HERC4: variants seen among roughly 807,000 people sequenced by gnomAD.
The protein encoded by HERC4 is probable E3 ubiquitin-protein ligase HERC4.
In HERC4, 28 loss-of-function variants were observed where a neutral mutation model predicts 124.3. The observed-to-expected ratio is 0.23, with a 90% CI of 0.17 to 0.31. The LOEUF is 0.31. Ranked by LOEUF, HERC4 falls within the 10% of genes least tolerant of loss-of-function variation. HERC4 has a pLI of 1.00. For missense variants in HERC4, 713 were observed against 1,229.3 expected (o/e 0.58, Z 6.28); for synonymous variants, 407 against 421.5 (o/e 0.97, Z 0.42).
At chr10:67,966,337 G>A (rs892365669) in intron 16 of HERC4, 1 of 226,146 alleles carries the variant, frequency 4.4e-6, no homozygotes, top group African/African-American at 2.4e-5. Flanking sequence ...AGGAGTTCCA[G>A]TATGAAGAAT....
At chr10:67,934,873 AATCTTGAAAAG>A (rs563815972) in intron 22 of HERC4, among the ~76,000 whole-genome samples, 142 of 148,682 alleles carry the variant, frequency 9.6e-4, no homozygotes, top group African/African-American at 3.2e-3. Context: ...TCGTGCTTTC[AATCTTGAAAAG>A]ATGTCATTCG....
At chr10:68,005,989 A>G (rs1023959622) in intron 9 of HERC4, among the ~76,000 whole-genome samples, 5 of 152,176 alleles carry the variant, frequency 3.3e-5, no homozygotes, top group African/African-American at 9.6e-5. Context: ...CAGGCTTGCA[A>G]ACAACATCTT....
intron 4 of HERC4, 124 bp from the exon 5 acceptor site, chr10:68,038,293 C>A: frequency 2.3e-6 from 1 of 432,214 alleles, no homozygotes. Context: ...TTTTTTCATA[C>A]AAGCTCAATT....
At chr10:67,942,675 C>A (rs1033659711) in intron 19 of HERC4, among the ~76,000 whole-genome samples, 1 of 152,048 alleles carries the variant, frequency 6.6e-6, no homozygotes, top group Admixed American at 6.6e-5. Flanking sequence ...CCATGCCTGG[C>A]TAATTTTGTA....
chr10:68,062,417 C>T, intron 3 of HERC4, among the ~76,000 whole-genome samples: 1 of 152,228 alleles, frequency 6.6e-6, no homozygotes, highest in South Asian at 2.1e-4. Context: ...ATTCTTTCTG[C>T]CTCTCTAAGT....
intron 4 of HERC4, among the ~76,000 whole-genome samples, chr10:68,041,411 T>C (rs1180288707): frequency 6.6e-6 from 1 of 152,170 alleles, no homozygotes; most frequent in Non-Finnish European, 1.5e-5. Context: ...TTAATTTTTC[T>C]TTTTAATCTA....
Position 68,072,817 on chromosome 10 carries a change from CGAT to C in HERC4, c.226+63_226+65del, listed in dbSNP as rs1185756243. The stretch of plus-strand genomic sequence containing the variant: ...TATAGTTACAACTAGAGAAATTATA[CGAT>C]GATTCAAATTTAAAATGATATAATT... On this transcript the variant is annotated intron_variant, in intron 3 of 24. Coordinates refer to ENST00000373700, the MANE Select transcript of HERC4 (RefSeq NM_015601.4). 6 of 1,119,242 alleles carry C rather than the reference CGAT, an allele frequency of 5.4e-6. No homozygotes were observed. The South Asian group carries it at 1.0e-4, about 19-fold the overall frequency. 69.3% of individuals were successfully genotyped at this position (1,119,242 alleles called of 1,614,324 possible).
chr10:68,003,806 T>A (rs1437627565), intron 9 of HERC4, among the ~76,000 whole-genome samples: 1 of 152,216 alleles, frequency 6.6e-6, no homozygotes, highest in African/African-American at 2.4e-5. Context: ...TTATGAATAG[T>A]GCTGCAATAA....
intron 8 of HERC4, among the ~76,000 whole-genome samples, chr10:68,019,054 T>C (rs1440517424): frequency 6.9e-6 from 1 of 145,394 alleles, no homozygotes; most frequent in Non-Finnish European, 1.5e-5. Context: ...TGGAGTGCAA[T>C]GGTGCGATCT....
chr10:68,012,566 A>C (rs772282803), intron 9 of HERC4, among the ~76,000 whole-genome samples: 3 of 152,188 alleles, frequency 2.0e-5, no homozygotes, highest in African/African-American at 4.8e-5. Flanking sequence ...AACATTTATC[A>C]ATTAGGTTTG....
intron 3 of HERC4, among the ~76,000 whole-genome samples, chr10:68,059,522 A>AATATATATC (rs1339936883): frequency 5.0e-5 from 4 of 80,664 alleles, no homozygotes; most frequent in African/African-American, 1.4e-4. Context: ...TATATATCAT[A>AATATATATC]ATAATATTAT....
intron 3 of HERC4, chr10:68,069,602 C>T (rs957791101): frequency 1.3e-4 from 126 of 985,174 alleles, no homozygotes; most frequent in Non-Finnish European, 1.4e-4. Flanking sequence ...TTATGAATCT[C>T]GAGAATAATT....
At chr10:67,947,177 T>C (rs1008417535) in intron 19 of HERC4, among the ~76,000 whole-genome samples, 2 of 152,212 alleles carry the variant, frequency 1.3e-5, no homozygotes, top group African/African-American at 4.8e-5. Flanking sequence ...ATACACATTG[T>C]TCTCTACAAC....
At chr10:67,948,599 A>G (rs2033563311) in intron 19 of HERC4, among the ~76,000 whole-genome samples, 1 of 152,156 alleles carries the variant, frequency 6.6e-6, no homozygotes, top group Non-Finnish European at 1.5e-5. Flanking sequence ...TACAACCACT[A>G]TGGAAAACAG....
intron 23 of HERC4, 119 bp downstream of exon 23, chr10:67,932,478 T>G (rs891738615): frequency 1.3e-6 from 1 of 767,646 alleles, no homozygotes; most frequent in Non-Finnish European, 2.1e-6. Context: ...AAGGGTAGAG[T>G]GCTTTCCTGT....
At chr10:68,049,667 T>C (rs2040198116) in intron 3 of HERC4, among the ~76,000 whole-genome samples, 1 of 150,104 alleles carries the variant, frequency 6.7e-6, no homozygotes, top group Non-Finnish European at 1.5e-5. Context: ...ACCTAGCACT[T>C]TGGGAGGCTG....
chr10:68,040,762 G>A (rs1296255219), intron 4 of HERC4, among the ~76,000 whole-genome samples: 2 of 151,704 alleles, frequency 1.3e-5, no homozygotes, highest in Non-Finnish European at 2.9e-5. Context: ...GGTGACAGGC[G>A]CCTGTAGTCC....
intron 19 of HERC4, among the ~76,000 whole-genome samples, chr10:67,946,348 AACACAC>A (rs58692888): frequency 0.034 from 4,378 of 128,452 alleles, 111 homozygotes; most frequent in East Asian, 0.069. Flanking sequence ...ATAAAACACA[AACACAC>A]ACACACACAC....
At chr10:67,993,689 C>T (rs2036686684) in intron 9 of HERC4, 1 of 151,636 alleles carries the variant, frequency 6.6e-6, no homozygotes, top group South Asian at 2.1e-4. Context: ...AATTAGGCCC[C>T]AAAGTGAATA....
Sources: allele counts gnomAD v4.1 joint callset (sites outside exome capture counted in the v4.1 genomes callset), GRCh38; gene constraint gnomAD v4.1.1; transcripts MANE v1.5; gene names NCBI Gene and HGNC (gene_info 2026-07-23, HGNC 2026-07-21).